Variants in MACROD2 observed in about 807,000 individuals in gnomAD.
The protein encoded by MACROD2 is mono-ADP ribosylhydrolase 2.
MACROD2 carries 36 observed loss-of-function variants against 70.4 expected under a neutral mutation model. That is an observed-to-expected ratio of 0.51 (90% CI 0.39 to 0.68). MACROD2 has a LOEUF of 0.68. MACROD2 is among the 30% of genes least tolerant of loss of function. The pLI, the probability that MACROD2 is intolerant of heterozygous loss-of-function variation, is 0.00. For missense variants in MACROD2, 496 were observed against 538.4 expected, an observed-to-expected ratio of 0.92 and a Z score of 0.78; for synonymous variants, 172 against 178.8, an observed-to-expected ratio of 0.96 and a Z score of 0.30.
chr20:15,217,471 A>T (rs1003124206), intron 5 of MACROD2, among the ~76,000 whole-genome samples: 2 of 152,160 alleles, frequency 1.3e-5, no homozygotes, highest in Admixed American at 6.5e-5. Context: ...TGGGTTATGG[A>T]GACTTGTTTT....
intron 6 of MACROD2, among the ~76,000 whole-genome samples, chr20:15,234,018 T>G (rs1238981921): frequency 6.5e-4 from 7 of 10,740 alleles, no homozygotes; most frequent in Non-Finnish European, 1.3e-3. Context: ...TATTCTTTTT[T>G]TTTTTTTTTT....
At chr20:15,013,125 C>T (rs138894971) in intron 5 of MACROD2, among the ~76,000 whole-genome samples, 14 of 152,256 alleles carry the variant, frequency 9.2e-5, no homozygotes, top group East Asian at 3.9e-4. Flanking sequence ...CCCTCTTTCT[C>T]CTCGAGTATT....
At chr20:14,679,155 A>G (rs1016573647) in intron 4 of MACROD2, among the ~76,000 whole-genome samples, 1 of 152,238 alleles carries the variant, frequency 6.6e-6, no homozygotes, top group Non-Finnish European at 1.5e-5. Context: ...TGTAATAGCT[A>G]TAAAACAGTT....
chr20:15,637,986 G>T (rs540464357), intron 8 of MACROD2, among the ~76,000 whole-genome samples: 8 of 152,184 alleles, frequency 5.3e-5, no homozygotes, highest in African/African-American at 1.9e-4. Flanking sequence ...CCATGCTGTC[G>T]GCTATAAACT....
chr20:15,876,980 G>A (rs1439790140), intron 9 of MACROD2, among the ~76,000 whole-genome samples: 1 of 152,066 alleles, frequency 6.6e-6, no homozygotes, highest in African/African-American at 2.4e-5. Flanking sequence ...GACTGTCTCT[G>A]CCTTCCTACT....
intron 6 of MACROD2, among the ~76,000 whole-genome samples, chr20:15,418,160 G>C (rs1302721114): frequency 6.6e-6 from 1 of 152,144 alleles, no homozygotes. Context: ...AATGCTTTCT[G>C]TCAGTCTTAC....
At chr20:14,822,843 T>A (rs1423564942) in intron 5 of MACROD2, among the ~76,000 whole-genome samples, 1 of 152,108 alleles carries the variant, frequency 6.6e-6, no homozygotes, top group Non-Finnish European at 1.5e-5. Flanking sequence ...TTAGTGAAGA[T>A]ATGGATTAAT....
chr20:14,518,613 A>G lies in MACROD2; in HGVS notation c.301+25105A>G, dbSNP rs117748239. Among the ~76,000 whole-genome samples, 64 of 152,298 alleles carry G rather than the reference A, an allele frequency of 4.2e-4. 1 individual carries two copies. The East Asian group carries it at 0.012, about 29-fold the overall frequency. On this transcript the variant is annotated intron_variant, in intron 4 of 17. Coordinates refer to ENST00000684519, the MANE Select transcript of MACROD2 (RefSeq NM_001351661.2). ...ACTAAATGCCTTTTAGGTGTTTATT[A>G]ATACAATTACATCATTTTTCTCTTC...
intron 5 of MACROD2, among the ~76,000 whole-genome samples, chr20:15,088,879 A>G (rs1168826487): frequency 6.6e-6 from 1 of 152,026 alleles, no homozygotes; most frequent in Non-Finnish European, 1.5e-5. Context: ...GGTAAAAGAG[A>G]GTAAGCTTTT....
rs17633270 is a variant in MACROD2, at chr20:15,805,193, G to A, written c.646-57552G>A. On this transcript the variant is annotated intron_variant, in intron 8 of 17. Transcript: ENST00000684519. The stretch of plus-strand genomic sequence containing the variant: ...AGACTGATTCCCACAAAGGCACAGT[G>A]TGGGTTAGCTGCAGATGTTGGGATC... Among the ~76,000 whole-genome samples the A allele has an allele frequency of 6.9e-3, 1,052 of 152,310 alleles. 10 individuals are homozygous for A. The highest frequency in any genetic ancestry group is 7.6e-3 in the Non-Finnish European group (519 of 68,032).
At chr20:14,329,966 G>A (rs1661784553) in intron 3 of MACROD2, among the ~76,000 whole-genome samples, 1 of 151,838 alleles carries the variant, frequency 6.6e-6, no homozygotes, top group Non-Finnish European at 1.5e-5. Flanking sequence ...TTGCCCAAAA[G>A]GTGACATAGA....
intron 8 of MACROD2, among the ~76,000 whole-genome samples, chr20:15,571,567 C>T (rs912764816): frequency 6.6e-6 from 1 of 151,928 alleles, no homozygotes; most frequent in Non-Finnish European, 1.5e-5. Context: ...GATATTGAGA[C>T]ATTTAGATCC....
intron 5 of MACROD2, among the ~76,000 whole-genome samples, chr20:14,747,916 G>T (rs779980837): frequency 6.6e-6 from 1 of 152,068 alleles, no homozygotes; most frequent in African/African-American, 2.4e-5. Flanking sequence ...TCAAACCAAG[G>T]TGGTCTTTCT....
chr20:14,817,882 A>G (rs778381079), intron 5 of MACROD2, among the ~76,000 whole-genome samples: 1 of 152,132 alleles, frequency 6.6e-6, no homozygotes. Context: ...AGGACAGAGT[A>G]GTCTTTGAAG....
intron 8 of MACROD2, among the ~76,000 whole-genome samples, chr20:15,591,551 A>T (rs1376596289): frequency 7.0e-6 from 1 of 143,440 alleles, no homozygotes; most frequent in Non-Finnish European, 1.5e-5. Context: ...CAGCCAACTT[A>T]CGGTTTAACT....
intron 8 of MACROD2, among the ~76,000 whole-genome samples, chr20:15,828,061 G>A (rs921580190): frequency 1.3e-5 from 2 of 152,180 alleles, no homozygotes; most frequent in Non-Finnish European, 2.9e-5. Context: ...GAGGTCTATT[G>A]TACAGAATGA....
At chr20:15,661,635 C>T (rs777545302) in intron 8 of MACROD2, among the ~76,000 whole-genome samples, 2 of 152,168 alleles carry the variant, frequency 1.3e-5, no homozygotes, top group Non-Finnish European at 2.9e-5. Context: ...ATGAACTTTA[C>T]TGGGAACAAA....
At chr20:15,546,418 C>T (rs1286225447) in intron 8 of MACROD2, among the ~76,000 whole-genome samples, 1 of 152,148 alleles carries the variant, frequency 6.6e-6, no homozygotes, top group Non-Finnish European at 1.5e-5. Flanking sequence ...AGTCTCAGAG[C>T]TCCATAGCTA....
intron 2 of MACROD2, among the ~76,000 whole-genome samples, chr20:14,008,519 A>G (rs1446311516): frequency 6.6e-6 from 1 of 152,222 alleles, no homozygotes; most frequent in African/African-American, 2.4e-5. Context: ...GGAAGAATCA[A>G]TATTACAAAA....
Sources: allele counts gnomAD v4.1 joint callset (sites outside exome capture counted in the v4.1 genomes callset), GRCh38; gene constraint gnomAD v4.1.1; transcripts MANE v1.5; gene names NCBI Gene and HGNC (gene_info 2026-07-23, HGNC 2026-07-21).